Variants in MBNL2 observed in about 807,000 individuals in gnomAD.
MBNL2 encodes the protein muscleblind-like protein 2.
A neutral mutation model predicts 41.9 loss-of-function variants in MBNL2; 17 were observed. The observed-to-expected ratio is 0.41, with a 90% CI of 0.28 to 0.61. MBNL2 has a LOEUF of 0.61. Ranked by LOEUF, MBNL2 falls within the 20% of genes least tolerant of loss-of-function variation. The pLI, the probability that MBNL2 is intolerant of heterozygous loss-of-function variation, is 0.35. For missense variants in MBNL2, 336 were observed against 505.6 expected, an observed-to-expected ratio of 0.66 and a Z score of 3.22; for synonymous variants, 195 against 182.9, an observed-to-expected ratio of 1.07 and a Z score of -0.53.
the MBNL2 span, among the ~76,000 whole-genome samples, chr13:97,199,764 G>A: frequency 6.6e-6 from 1 of 152,240 alleles, no homozygotes; most frequent in Non-Finnish European, 1.5e-5. Context: ...CAAATGTGGG[G>A]ACTTTGGTGT....
At chr13:97,341,303 T>C (rs1409500659) in intron 3 of MBNL2, among the ~76,000 whole-genome samples, 1 of 152,196 alleles carries the variant, frequency 6.6e-6, no homozygotes, top group African/African-American at 2.4e-5. Flanking sequence ...ACAGAGCTAG[T>C]CCACTGAATC....
chr13:97,251,578 TTTG>T (rs1425977423), intron 1 of MBNL2, among the ~76,000 whole-genome samples: 1 of 152,186 alleles, frequency 6.6e-6, no homozygotes, highest in East Asian at 1.9e-4. Context: ...AAGATTTATT[TTTG>T]TTGTTGTTAT....
upstream of MBNL2, among the ~76,000 whole-genome samples, chr13:97,221,901 T>C (rs3809362): frequency 7.3e-3 from 1,113 of 152,324 alleles, 14 homozygotes; most frequent in East Asian, 0.02. Flanking sequence ...ATGGCAGACG[T>C]TGAATTATTT....
chr13:97,361,914 C>T (rs2063437287), intron 7 of MBNL2, among the ~76,000 whole-genome samples: 1 of 151,666 alleles, frequency 6.6e-6, no homozygotes, highest in African/African-American at 2.4e-5. Context: ...GGGTTACAAG[C>T]GTCTGCCATC....
intron 1 of MBNL2, among the ~76,000 whole-genome samples, chr13:97,258,174 G>T (rs1304792048): frequency 6.6e-6 from 1 of 151,908 alleles, no homozygotes; most frequent in East Asian, 1.9e-4. Flanking sequence ...AACTCGTGGT[G>T]TCACATTTTT....
chr13:97,234,055 A>G (rs1196747948), intron 1 of MBNL2, among the ~76,000 whole-genome samples: 2 of 152,080 alleles, frequency 1.3e-5, no homozygotes, highest in East Asian at 3.9e-4. Context: ...ATTCCTGTCT[A>G]CCCTCTTCCC....
intron 2 of MBNL2, among the ~76,000 whole-genome samples, chr13:97,287,124 A>G (rs1252313142): frequency 1.3e-5 from 2 of 152,226 alleles, no homozygotes; most frequent in African/African-American, 4.8e-5. Flanking sequence ...GCTTTGTACA[A>G]AGAAGGCTCT....
the MBNL2 span, among the ~76,000 whole-genome samples, chr13:97,184,934 G>T: frequency 6.6e-6 from 1 of 152,080 alleles, no homozygotes; most frequent in Non-Finnish European, 1.5e-5. Flanking sequence ...GAATGCTTGA[G>T]AATTAGAGAA....
chr13:97,259,953 G>C (rs2048296446), intron 1 of MBNL2, among the ~76,000 whole-genome samples: 1 of 152,166 alleles, frequency 6.6e-6, no homozygotes, highest in South Asian at 2.1e-4. Context: ...GTGTTCTAAA[G>C]TTAAATGTTG....
intron 2 of MBNL2, among the ~76,000 whole-genome samples, chr13:97,290,832 G>C (rs945620419): frequency 1.3e-5 from 2 of 152,198 alleles, no homozygotes; most frequent in African/African-American, 2.4e-5. Flanking sequence ...CAGAAAGGGT[G>C]GCTTGTGATG....
At chr13:97,272,724 A>T (rs2051316963) in intron 1 of MBNL2, among the ~76,000 whole-genome samples, 1 of 152,224 alleles carries the variant, frequency 6.6e-6, no homozygotes, top group Non-Finnish European at 1.5e-5. Context: ...ACAACTAAAA[A>T]ATGCTAAGTA....
At chr13:97,383,652 GAAA>G (rs2065680130) in intron 8 of MBNL2, among the ~76,000 whole-genome samples, 1 of 152,154 alleles carries the variant, frequency 6.6e-6, no homozygotes, top group South Asian at 2.1e-4. Context: ...AAGGTGCTAT[GAAA>G]TATTACGGAC....
intron 4 of MBNL2, among the ~76,000 whole-genome samples, chr13:97,345,264 T>C (rs1174207223): frequency 6.6e-6 from 1 of 152,182 alleles, no homozygotes; most frequent in African/African-American, 2.4e-5. Context: ...ACATATCCAC[T>C]TTGGAATTGG....
chr13:97,203,545 G>A, the MBNL2 span, among the ~76,000 whole-genome samples: 14 of 152,124 alleles, frequency 9.2e-5, no homozygotes, highest in Middle Eastern at 3.4e-3. Context: ...CAAAAGCTGC[G>A]CTCACGGGTA....
At chr13:97,297,410 C>T (rs2057164889) in intron 2 of MBNL2, among the ~76,000 whole-genome samples, 3 of 152,120 alleles carry the variant, frequency 2.0e-5, no homozygotes, top group Admixed American at 2.0e-4. Flanking sequence ...GCTCTGGAAA[C>T]ACCTTGTGGG....
chr13:97,336,895 T>A (rs2060933042), intron 3 of MBNL2, among the ~76,000 whole-genome samples: 2 of 152,164 alleles, frequency 1.3e-5, no homozygotes, highest in Non-Finnish European at 1.5e-5. Flanking sequence ...AAACTAAACT[T>A]CTTTACAGTA....
At chr13:97,157,639 C>A in the MBNL2 span, among the ~76,000 whole-genome samples, 1 of 148,870 alleles carries the variant, frequency 6.7e-6, no homozygotes, top group African/African-American at 2.6e-5. Flanking sequence ...CTTTTCTGCA[C>A]CTATTGAGAT....
At chr13:97,365,593 AT>A (rs1425337035) in intron 8 of MBNL2, among the ~76,000 whole-genome samples, 5 of 152,272 alleles carry the variant, frequency 3.3e-5, no homozygotes, top group African/African-American at 9.6e-5. Flanking sequence ...AGAAGTATTC[AT>A]TTTTTACAAA....
intron 8 of MBNL2, among the ~76,000 whole-genome samples, chr13:97,375,516 T>C (rs1229346184): frequency 6.6e-6 from 1 of 152,082 alleles, no homozygotes; most frequent in Non-Finnish European, 1.5e-5. Flanking sequence ...CAGCTGGAAA[T>C]TGAAGAGGTG....
Sources: gnomAD v4.1 joint callset for allele counts (sites outside exome capture counted in the v4.1 genomes callset) on GRCh38, gnomAD v4.1.1 for gene constraint, MANE v1.5 for transcripts, NCBI Gene and HGNC (gene_info 2026-07-23, HGNC 2026-07-21) for gene names.